Variants in LGALS14 observed in about 807,000 individuals in gnomAD.
LGALS14 encodes the protein placental protein 13-like.
A neutral mutation model predicts 14.6 loss-of-function variants in LGALS14; 14 were observed. The ratio of observed to expected loss-of-function variants is 0.96; its 90% confidence interval spans 0.64 to 1.50. The LOEUF (loss-of-function observed/expected upper bound fraction) is 1.50. Ranked by LOEUF, LGALS14 falls within the 40% of genes most tolerant of loss-of-function variation. The pLI, the probability that LGALS14 is intolerant of heterozygous loss-of-function variation, is 0.00. For missense variants in LGALS14, 180 were observed against 172.0 expected, an observed-to-expected ratio of 1.05 and a Z score of -0.26; for synonymous variants, 57 against 63.9, an observed-to-expected ratio of 0.89 and a Z score of 0.51.
At chr19:39,709,123 TG>T in intron 3 of LGALS14, 73 bp from the exon 4 acceptor site, 1 of 886,484 alleles carries the variant, frequency 1.1e-6, no homozygotes, top group Non-Finnish European at 1.9e-6. Flanking sequence ...TATTTGTAAC[TG>T]GGCAGAGAAG....
intron 1 of LGALS14, chr19:39,705,780 T>A: frequency 8.8e-7 from 1 of 1,130,106 alleles, no homozygotes; most frequent in East Asian, 2.6e-5. Context: ...AGGAGTTCGA[T>A]GTTTCAGTGA....
intron 3 of LGALS14, among the ~76,000 whole-genome samples, chr19:39,708,628 C>G (rs779731867): frequency 1.3e-5 from 2 of 152,150 alleles, no homozygotes; most frequent in South Asian, 4.1e-4. Flanking sequence ...TATTCAGATT[C>G]AAGTGAGGGA....
chr19:39,707,204 T>A lies in LGALS14; in HGVS notation c.119T>A (p.Phe40Tyr), dbSNP rs374954450. 1 of 1,613,998 alleles carries A rather than the reference T, an allele frequency of 6.2e-7. No individual in the cohort carries two copies. Among genetic ancestry groups the A allele is most frequent in the African/African-American group, 1.3e-5 (1 of 74,944 alleles). The part of the protein sequence containing the change: ...FVKDPQLEVN[F>Y]YTGMDEDSDI... ...AAGGACCCACAGCTGGAGGTGAATT[T>A]CTACACTGGGATGGATGAGGACTCA... The change falls in exon 3 of 4, where the codon TTC becomes TAC. Residue 40 changes from phenylalanine (F) to tyrosine (Y), a missense_variant. By Grantham distance (22) the Phe-to-Tyr change is conservative. Coordinates refer to ENST00000392052, the MANE Select transcript of LGALS14 (RefSeq NM_020129.3).
chr19:39,704,521 A>C lies in LGALS14; in HGVS notation c.-8A>C, dbSNP rs1409832278. 1 of 1,613,704 alleles carries C rather than the reference A, an allele frequency of 6.2e-7. No homozygotes were observed. The highest frequency in any genetic ancestry group is 8.5e-7 in the Non-Finnish European group (1 of 1,179,698). On this transcript the variant is annotated 5_prime_UTR_variant, in exon 1 of 4. Coordinates refer to ENST00000392052, the MANE Select transcript of LGALS14 (RefSeq NM_020129.3). ...CAATTCCGAAGAGCTGCCCAGAAGG[A>C]GAGAACAATGTCATCACTACCCGTG...
At chr19:39,704,891 T>C (rs1426177664) in intron 1 of LGALS14, among the ~76,000 whole-genome samples, 1 of 152,134 alleles carries the variant, frequency 6.6e-6, no homozygotes, top group Non-Finnish European at 1.5e-5. Context: ...CTGTCTGTGA[T>C]GTGAGTGTGT....
In LGALS14 at chr19:39,706,646, T is replaced by C; in HGVS notation, c.65T>C (p.Ile22Thr). The change falls in exon 2 of 4, where the codon ATC becomes ACC. Residue 22 changes from isoleucine (I) to threonine (T), a missense_variant. Coordinates refer to ENST00000392052, the MANE Select transcript of LGALS14 (RefSeq NM_020129.3). ...VSLPVGSCVI[I>T]TGTPILTFVK... ...TTGCCTGTTGGTTCGTGCGTGATAATCACAGGGACACCGATCCTCACTTTT... is the reference window on the plus strand; with the variant it reads ...TTGCCTGTTGGTTCGTGCGTGATAACCACAGGGACACCGATCCTCACTTTT... 2 of 1,613,946 alleles carry C rather than the reference T, an allele frequency of 1.2e-6. No individual in the cohort carries two copies. The highest frequency in any genetic ancestry group is 1.1e-5 in the South Asian group (1 of 91,072).
At chr19:39,708,864 G>A (rs1278807141) in intron 3 of LGALS14, among the ~76,000 whole-genome samples, 1 of 152,202 alleles carries the variant, frequency 6.6e-6, no homozygotes, top group Non-Finnish European at 1.5e-5. Flanking sequence ...CCTCTGGCAG[G>A]TCCTGTGCGA....
In LGALS14 at chr19:39,708,193, C is replaced by T. The variant is rs139984688; in HGVS notation, c.303+805C>T. ...TTTAAGCAAATCCTGGTGTAAGTTG[C>T]TCTACACATTACACTTTAGCAACTA... is the stretch of plus-strand genomic sequence containing the variant. On this transcript the variant is annotated intron_variant, in intron 3 of 3. Transcript: ENST00000392052. Among the ~76,000 whole-genome samples, 1,176 of 151,908 alleles carry T rather than the reference C, an allele frequency of 7.7e-3. 17 individuals are homozygous for T. Among genetic ancestry groups the T allele is most frequent in the African/African-American group, 0.026 (1,094 of 41,434 alleles).
rs1973726781 is a variant in LGALS14, at chr19:39,707,177, G to A, written c.93-1G>A. 1 of 1,613,182 alleles carries A rather than the reference G, an allele frequency of 6.2e-7. No homozygotes were observed. The highest frequency in any genetic ancestry group is 8.5e-7 in the Non-Finnish European group (1 of 1,179,226). ...CAACATGCTGTGTGCTTTGACCTCA[G>A]CAAGGACCCACAGCTGGAGGTGAAT... On this transcript the variant is annotated splice_acceptor_variant, in intron 2 of 3. Transcript: ENST00000392052. LOFTEE classifies it high-confidence loss of function.
chr19:39,705,301 G>T (rs1477493486), intron 1 of LGALS14, among the ~76,000 whole-genome samples: 1 of 152,182 alleles, frequency 6.6e-6, no homozygotes, highest in African/African-American at 2.4e-5. Flanking sequence ...GGACTGCACA[G>T]AGTGATCACT....
intron 1 of LGALS14, among the ~76,000 whole-genome samples, chr19:39,704,782 A>C (rs1973690993): frequency 6.6e-6 from 1 of 151,892 alleles, no homozygotes; most frequent in Non-Finnish European, 1.5e-5. Flanking sequence ...ATGAGAGTGA[A>C]CTCTGCTGAG....
At chr19:39,704,591 A>G in intron 1 of LGALS14, 48 bp downstream of exon 1, 2 of 1,597,266 alleles carry the variant, frequency 1.3e-6, no homozygotes, top group South Asian at 1.1e-5. Flanking sequence ...CACATAAACC[A>G]AGAAAGAAAC....
chr19:39,707,564 A>T (rs1384056681), intron 3 of LGALS14, among the ~76,000 whole-genome samples, 176 bp downstream of exon 3: 1 of 152,090 alleles, frequency 6.6e-6, no homozygotes, highest in Non-Finnish European at 1.5e-5. Context: ...CTCTTTCCCA[A>T]ATCTGACCAA....
chr19:39,705,636 A>G, intron 1 of LGALS14: 1 of 272,216 alleles, frequency 3.7e-6, no homozygotes, highest in Non-Finnish European at 7.1e-6. Flanking sequence ...TGAGGCCAGA[A>G]ATTTGAGACC....
chr19:39,709,177 A>G lies in LGALS14; in HGVS notation c.304-20A>G. On this transcript the variant is annotated intron_variant, in intron 3 of 3. Transcript: ENST00000392052. ...TGTTTGGTGGCATGCTGTCTTTCTG[A>G]TGCATTTTTCCTCTTGTAGGTAATG... 6.8e-7 allele frequency: 1 copy of G among 1,461,472 alleles called. No individual in the cohort carries two copies. The highest frequency in any genetic ancestry group is 9.6e-7 in the Non-Finnish European group (1 of 1,040,732). The allele number at this position is 1,461,472 out of a possible 1,614,324, so 90.5% of individuals were successfully genotyped here. A position where few individuals can be genotyped will look rare whatever the true frequency, so the allele number is the denominator to read the frequency against.
At chr19:39,706,063 C>G in intron 1 of LGALS14, 3 of 1,605,452 alleles carry the variant, frequency 1.9e-6, no homozygotes, top group Non-Finnish European at 2.6e-6. Context: ...ATTTCCCTTT[C>G]TCTTTCAACA....
chr19:39,705,041 C>T (rs1467628259), intron 1 of LGALS14, among the ~76,000 whole-genome samples: 1 of 152,034 alleles, frequency 6.6e-6, no homozygotes, highest in Non-Finnish European at 1.5e-5. Flanking sequence ...AAAACATGCA[C>T]GTGGCCTTCT....
intron 1 of LGALS14, chr19:39,705,646 C>T (rs1290707570): frequency 1.8e-5 from 5 of 281,654 alleles, no homozygotes; most frequent in African/African-American, 4.4e-5. Context: ...AATTTGAGAC[C>T]GGTCTAGGCA....
At chr19:39,707,091 A>C in intron 2 of LGALS14, 87 bp from the exon 3 acceptor site, 1 of 1,064,214 alleles carries the variant, frequency 9.4e-7, no homozygotes, top group African/African-American at 1.6e-5. Flanking sequence ...TGCCCTGGGT[A>C]AAGGGGGGAA....
Sources: gnomAD v4.1 joint callset for allele counts (sites outside exome capture counted in the v4.1 genomes callset) on GRCh38, gnomAD v4.1.1 for gene constraint, MANE v1.5 for transcripts, NCBI Gene and HGNC (gene_info 2026-07-23, HGNC 2026-07-21) for gene names.